The following SSH1 variants were observed in gnomAD, a reference collection of about 807,000 sequenced individuals.
SSH1 encodes the protein protein phosphatase Slingshot homolog 1.
Under a neutral mutation model 79.7 loss-of-function variants are expected in SSH1, and 43 were observed. The ratio of observed to expected loss-of-function variants is 0.54; its 90% confidence interval spans 0.42 to 0.70. The LOEUF is 0.70. SSH1 is among the 30% of genes least tolerant of loss of function. The probability of loss-of-function intolerance (pLI) is 0.00; values close to 1 mark genes in which losing one functional copy is unlikely to be tolerated. For synonymous variants in SSH1, 599 were observed against 538.3 expected, an observed-to-expected ratio of 1.11 and a Z score of -1.56; for missense variants, 1,206 against 1,358.8, an observed-to-expected ratio of 0.89 and a Z score of 1.77.
intron 2 of SSH1, among the ~76,000 whole-genome samples, chr12:108,844,453 T>C (rs2038852282): frequency 6.6e-6 from 1 of 152,174 alleles, no homozygotes; most frequent in African/African-American, 2.4e-5. Context: ...GTTTCTGGTC[T>C]CTTCCCATGA....
At chr12:108,801,857 G>A (rs541292290) in intron 11 of SSH1, among the ~76,000 whole-genome samples, 5 of 152,058 alleles carry the variant, frequency 3.3e-5, no homozygotes, top group Non-Finnish European at 5.9e-5. Flanking sequence ...AACACTGAGC[G>A]TAAAGTTGCA....
chr12:108,793,587 G>T (rs749556141), intron 13 of SSH1, among the ~76,000 whole-genome samples: 16 of 151,874 alleles, frequency 1.1e-4, no homozygotes, highest in Non-Finnish European at 2.2e-4. Context: ...GTAGTGACAG[G>T]GTCTTGCTAT....
At chr12:108,843,194 C>T (rs2038819852) in intron 2 of SSH1, among the ~76,000 whole-genome samples, 1 of 152,082 alleles carries the variant, frequency 6.6e-6, no homozygotes, top group South Asian at 2.1e-4. Flanking sequence ...CACAAGCAGA[C>T]AGATGAGGAC....
In SSH1 at chr12:108,792,813, T is replaced by C. The variant is rs773494140; in HGVS notation, c.1366A>G (p.Lys456Glu). 1.2e-6 allele frequency: 2 copies of C among 1,613,572 alleles called. No homozygotes were observed. The highest frequency in any genetic ancestry group is 1.7e-6 in the Non-Finnish European group (2 of 1,180,008). ...ILDASKQRHN[K>E]LWRQQTDSSL... ...CTGTCTGTCTGCTGACGCCACAGCTTGTTGTGCCGCTGTTTGCTGCGGGGA... is the reference window on the plus strand; with the variant it reads ...CTGTCTGTCTGCTGACGCCACAGCTCGTTGTGCCGCTGTTTGCTGCGGGGA... The change falls in exon 14 of 15, where the codon AAG becomes GAG. Residue 456 changes from lysine to glutamate, a missense_variant. Physicochemically the swap from Lys to Glu is moderately conservative, Grantham distance 56 (BLOSUM62 1). This residue lies in a region of SSH1 where 166 missense variants were observed against 262.9 expected (regional missense o/e 0.63). Transcript: ENST00000326495.
chr12:108,784,383 GCTGT>G lies in SSH1; in HGVS notation c.*3601_*3604del, dbSNP rs1395069061. 1 of 152,266 alleles carries G rather than the reference GCTGT, an allele frequency of 6.6e-6. No homozygotes were observed. Among genetic ancestry groups the G allele is most frequent in the Non-Finnish European group, 1.5e-5 (1 of 68,086 alleles). The allele number at this position is 152,266 out of a possible 1,614,324, so 9.4% of individuals were successfully genotyped here. ...GAGCAGAATGGGCTTGGACAGTACA[GCTGT>G]CTGTGTGCACCTGGTGAGCAATCTG... is the stretch of plus-strand genomic sequence containing the variant. On this transcript the variant is annotated 3_prime_UTR_variant, in exon 15 of 15. Transcript: ENST00000326495.
At chr12:108,793,053 G>A (rs1565971924) in intron 13 of SSH1, among the ~76,000 whole-genome samples, 1 of 152,242 alleles carries the variant, frequency 6.6e-6, no homozygotes, top group Non-Finnish European at 1.5e-5. Context: ...CAGGAAGCCT[G>A]ATGTGACTTT....
chr12:108,823,270 G>C lies in SSH1; in HGVS notation c.202C>G (p.His68Asp). ...TTAGAGCCCTCACCTGCATGCTTGT[G>C]GGGGTGCTGAAGACTCCGCTGGCCT... ...PQGQRSLQHP[H>D]KHAGDLPQHL... The change falls in exon 3 of 15, where the codon CAC (histidine) becomes GAC (aspartate). Residue 68 changes from histidine (H) to aspartate (D), a missense_variant. Coordinates refer to ENST00000326495, the MANE Select transcript of SSH1 (RefSeq NM_018984.4). 1 of 1,585,762 alleles carries C rather than the reference G, an allele frequency of 6.3e-7. No individual in the cohort carries two copies. Among genetic ancestry groups the C allele is most frequent in the Non-Finnish European group, 8.6e-7 (1 of 1,164,712 alleles).
At chr12:108,833,121 G>A (rs2038513967) in intron 2 of SSH1, among the ~76,000 whole-genome samples, 1 of 151,710 alleles carries the variant, frequency 6.6e-6, no homozygotes, top group African/African-American at 2.4e-5. Flanking sequence ...GCGGCAAGCA[G>A]CTGAACTGAC....
rs78525619 is a variant in SSH1, at chr12:108,802,146, C to A, written c.1001+176G>T. On this transcript the variant is annotated intron_variant, in intron 11 of 14. Transcript: ENST00000326495. ...TCTAAACTCCATGAATTATTCAGGG[C>A]GTGGTGTTTGGAAGCACATCTGTTT... Among the ~76,000 whole-genome samples, 169 of 152,326 alleles carry A rather than the reference C, an allele frequency of 1.1e-3. 1 individual carries two copies. The East Asian group carries it at 0.026, about 24-fold the overall frequency.
chr12:108,853,452 C>T (rs780739167), intron 1 of SSH1: 16 of 647,396 alleles, frequency 2.5e-5, no homozygotes, highest in South Asian at 6.9e-5. Context: ...TGCACAGAGG[C>T]GCCCATTGAA....
intron 13 of SSH1, among the ~76,000 whole-genome samples, chr12:108,795,175 A>C (rs1221803819): frequency 1.1e-4 from 16 of 152,182 alleles, no homozygotes; most frequent in Non-Finnish European, 1.2e-4. Flanking sequence ...AAAATGATTG[A>C]GACTTGCCTC....
At chr12:108,792,240 A>C (rs2036535254) in intron 14 of SSH1, 46 bp downstream of exon 14, 1 of 1,613,970 alleles carries the variant, frequency 6.2e-7, no homozygotes, top group Non-Finnish European at 8.5e-7. Context: ...TTAGAGTGGG[A>C]TGGAAGGGAT....
chr12:108,841,949 G>C (rs2038789524), intron 2 of SSH1, among the ~76,000 whole-genome samples: 1 of 152,072 alleles, frequency 6.6e-6, no homozygotes, highest in Non-Finnish European at 1.5e-5. Flanking sequence ...TTCAAGATCA[G>C]CCTGGGCAAC....
chr12:108,849,104 C>T (rs752779438), intron 2 of SSH1, among the ~76,000 whole-genome samples: 31 of 152,200 alleles, frequency 2.0e-4, no homozygotes, highest in Admixed American at 7.9e-4. Flanking sequence ...TACAGGATTT[C>T]CCAATTCCAA....
intron 4 of SSH1, among the ~76,000 whole-genome samples, chr12:108,817,791 C>G (rs900572299): frequency 1.3e-5 from 2 of 152,232 alleles, no homozygotes; most frequent in African/African-American, 4.8e-5. Flanking sequence ...CTCTGGGGAA[C>G]TGAGGAGTCA....
rs1318317732 is a variant in SSH1, at chr12:108,787,790, G to A, written c.*198C>T. 1.1e-5 allele frequency: 8 copies of A among 696,486 alleles called. No individual in the cohort carries two copies. Among genetic ancestry groups the A allele is most frequent in the Admixed American group, 5.5e-5 (2 of 36,596 alleles). The allele number at this position is 696,486 out of a possible 1,614,324, so 43.1% of individuals were successfully genotyped here. A position where few individuals can be genotyped will look rare whatever the true frequency, so the allele number is the denominator to read the frequency against. On this transcript the variant is annotated 3_prime_UTR_variant, in exon 15 of 15. Coordinates refer to ENST00000326495, the MANE Select transcript of SSH1 (RefSeq NM_018984.4). ...GGCTCCTGGTTCTCCCAGGCCACAC[G>A]ACTGACAGCTCCCCTTCTTGTGCTG... is the stretch of plus-strand genomic sequence containing the variant.
At chr12:108,802,496 CAG>C in intron 10 of SSH1, 128 bp from the exon 11 acceptor site, 1 of 778,900 alleles carries the variant, frequency 1.3e-6, no homozygotes, top group Non-Finnish European at 2.2e-6. Context: ...CCTCAGAGAA[CAG>C]AGAGAACCAG....
intron 5 of SSH1, among the ~76,000 whole-genome samples, chr12:108,815,165 C>T (rs1028394464): frequency 6.6e-6 from 1 of 152,158 alleles, no homozygotes; most frequent in Non-Finnish European, 1.5e-5. Flanking sequence ...TTCAGCAGGT[C>T]GACAGGAAAA....
At chr12:108,829,722 C>CG (rs1401315143) in intron 2 of SSH1, among the ~76,000 whole-genome samples, 11 of 152,154 alleles carry the variant, frequency 7.2e-5, no homozygotes, top group Admixed American at 3.9e-4. Flanking sequence ...CTATCAAACT[C>CG]CTAAAACACA....
Sources: gnomAD v4.1 joint callset for allele counts (sites outside exome capture counted in the v4.1 genomes callset) on GRCh38, gnomAD v4.1.1 for gene constraint, gnomAD v4.1.1 regional missense constraint, MANE v1.5 for transcripts, NCBI Gene and HGNC (gene_info 2026-07-23, HGNC 2026-07-21) for gene names.